The following TTLL5 variants were observed in gnomAD, a reference collection of about 807,000 sequenced individuals.
TTLL5 encodes tubulin polyglutamylase TTLL5.
Under a neutral mutation model 168.4 loss-of-function variants are expected in TTLL5, and 132 were observed. The observed-to-expected ratio is 0.78, with a 90% CI of 0.68 to 0.91. The LOEUF (loss-of-function observed/expected upper bound fraction) is 0.91. Ranked by LOEUF, TTLL5 falls within the 40% of genes least tolerant of loss-of-function variation. The pLI, the probability that TTLL5 is intolerant of heterozygous loss-of-function variation, is 0.00. For missense variants in TTLL5, 1,545 were observed against 1,581.5 expected (o/e 0.98, Z 0.39); for synonymous variants, 546 against 558.6 (o/e 0.98, Z 0.32).
chr14:75,876,532 G>T (rs1015302350), intron 29 of TTLL5, among the ~76,000 whole-genome samples: 1 of 152,186 alleles, frequency 6.6e-6, no homozygotes, highest in African/African-American at 2.4e-5. Flanking sequence ...ATGTTGGAAG[G>T]CTTCCGACAC....
intron 5 of TTLL5, chr14:75,689,455 C>G (rs1885294050): frequency 6.6e-6 from 1 of 152,210 alleles, no homozygotes; most frequent in Admixed American, 6.5e-5. Context: ...ACTGAACAAC[C>G]AAGCAGTCCC....
chr14:75,943,470 G>A (rs1357967466), intron 31 of TTLL5, among the ~76,000 whole-genome samples: 3 of 151,684 alleles, frequency 2.0e-5, no homozygotes, highest in Non-Finnish European at 4.4e-5. Context: ...AATCTCCCCT[G>A]GTAATTTATA....
At chr14:75,788,812 C>G (rs1012105463) in intron 26 of TTLL5, among the ~76,000 whole-genome samples, 2 of 152,000 alleles carry the variant, frequency 1.3e-5, no homozygotes, top group African/African-American at 2.4e-5. Context: ...AGGAAAATTA[C>G]AGACTGGCTT....
chr14:75,901,723 C>T (rs2032930706), intron 30 of TTLL5, among the ~76,000 whole-genome samples: 2 of 152,182 alleles, frequency 1.3e-5, no homozygotes, highest in South Asian at 4.1e-4. Context: ...AGTTGAAAAC[C>T]ACTCTTCCAC....
At chr14:75,842,960 C>A (rs1195361677) in intron 28 of TTLL5, among the ~76,000 whole-genome samples, 1 of 152,024 alleles carries the variant, frequency 6.6e-6, no homozygotes, top group South Asian at 2.1e-4. Flanking sequence ...TTTTTGCCTC[C>A]ATAGCAAAAA....
In TTLL5 at chr14:75,746,201, C is replaced by T. The variant is rs971259800; in HGVS notation, c.1487+620C>T. Among the ~76,000 whole-genome samples, 17 of 152,198 alleles carry T rather than the reference C, an allele frequency of 1.1e-4. No individual in the cohort carries two copies. In the East Asian group the frequency reaches 2.3e-3, roughly 21 times the overall value. On this transcript the variant is annotated intron_variant, in intron 17 of 31. Coordinates refer to ENST00000298832, the MANE Select transcript of TTLL5 (RefSeq NM_015072.5). ...TTTGTATCTGGACTCTTTTGTTCAGCGTAGTGTTTTTCATATTCATATGTG... is the reference window on the plus strand; with the variant it reads ...TTTGTATCTGGACTCTTTTGTTCAGTGTAGTGTTTTTCATATTCATATGTG...
chr14:75,718,173 C>T (rs1166441308), intron 10 of TTLL5, among the ~76,000 whole-genome samples: 6 of 152,234 alleles, frequency 3.9e-5, no homozygotes, highest in African/African-American at 7.2e-5. Context: ...CCTTTCTCTA[C>T]CAAAATGTGC....
chr14:75,755,277 AT>A (rs55744781), intron 18 of TTLL5, among the ~76,000 whole-genome samples: 102,356 of 147,892 alleles, frequency 0.69, 35,917 homozygotes, highest in Admixed American at 0.76. Context: ...AAAAATAATA[AT>A]AATAATAATA....
intron 9 of TTLL5, among the ~76,000 whole-genome samples, chr14:75,715,859 A>G (rs1055907543): frequency 1.3e-5 from 2 of 152,056 alleles, no homozygotes; most frequent in East Asian, 1.9e-4. Context: ...TATAGGAATG[A>G]CAAATGTGTT....
At chr14:75,807,684 G>A (rs983497087) in intron 27 of TTLL5, among the ~76,000 whole-genome samples, 4 of 152,192 alleles carry the variant, frequency 2.6e-5, no homozygotes, top group Admixed American at 2.6e-4. Flanking sequence ...CTCAAACTCA[G>A]CTCTGTCTGA....
intron 31 of TTLL5, among the ~76,000 whole-genome samples, chr14:75,903,442 G>T (rs930295115): frequency 6.6e-6 from 1 of 152,090 alleles, no homozygotes; most frequent in East Asian, 1.9e-4. Flanking sequence ...GCAGGGAGTG[G>T]AAGGGGAAAA....
chr14:75,882,121 A>T (rs947326157), intron 29 of TTLL5, among the ~76,000 whole-genome samples: 2 of 152,188 alleles, frequency 1.3e-5, no homozygotes, highest in African/African-American at 2.4e-5. Flanking sequence ...ATTCTAAACT[A>T]GCCCTCAAGA....
At chr14:75,749,266 T>C (rs1889800779) in intron 17 of TTLL5, among the ~76,000 whole-genome samples, 1 of 152,156 alleles carries the variant, frequency 6.6e-6, no homozygotes, top group Non-Finnish European at 1.5e-5. Flanking sequence ...GGACCTTACT[T>C]TGAGTATCTT....
intron 7 of TTLL5, among the ~76,000 whole-genome samples, chr14:75,703,989 C>G (rs368684936): frequency 6.6e-6 from 1 of 152,250 alleles, no homozygotes; most frequent in African/African-American, 2.4e-5. Flanking sequence ...GTAATTAGAA[C>G]CACATATATT....
At chr14:75,768,932 T>G (rs970657600) in intron 20 of TTLL5, among the ~76,000 whole-genome samples, 1 of 152,132 alleles carries the variant, frequency 6.6e-6, no homozygotes, top group Non-Finnish European at 1.5e-5. Context: ...GGCCGTGTGG[T>G]CATAGACAAG....
rs1566827096 is a variant in TTLL5 at position 75,720,661 on chromosome 14, AC to A, written c.1001del (p.Thr334MetfsTer23). On this transcript the variant is annotated frameshift_variant, in exon 12 of 32. Coordinates refer to ENST00000298832, the MANE Select transcript of TTLL5 (RefSeq NM_015072.5). LOFTEE classifies it high-confidence loss of function. ...AATCTCTGCTGAACTAGCTATTGCT[AC>A]TGCCTGTAAAACCTTTGTTCCTCAT... is the stretch of plus-strand genomic sequence containing the variant. ...TIISAELAIA[T>X]ACKTFVPHRS... 1 of 1,613,756 alleles carries A rather than the reference AC, an allele frequency of 6.2e-7. No homozygotes were observed. The highest frequency in any genetic ancestry group is 1.3e-5 in the African/African-American group (1 of 75,022).
chr14:75,704,622 T>C (rs1886521124), intron 7 of TTLL5, among the ~76,000 whole-genome samples: 1 of 152,190 alleles, frequency 6.6e-6, no homozygotes, highest in African/African-American at 2.4e-5. Context: ...GAGCTTTGAA[T>C]TGGAATAATT....
In TTLL5 at chr14:75,681,554, A is replaced by G. The variant is rs1884613835; in HGVS notation, c.191A>G (p.His64Arg). The change falls in exon 4 of 32, where the codon CAT becomes CGT. Residue 64 changes from histidine (H) to arginine (R), a missense_variant. Transcript: ENST00000298832. The stretch of plus-strand genomic sequence containing the variant: ...TTCTGTTTTTCTTTAGAACGTTATC[A>G]TTTGTCTTATAAGATTGTACGAACG... ...NNIRVIGERY[H>R]LSYKIVRTDS... 1.2e-6 allele frequency: 2 copies of G among 1,613,040 alleles called. No individual in the cohort carries two copies. Among genetic ancestry groups the G allele is most frequent in the Non-Finnish European group, 8.5e-7 (1 of 1,179,796 alleles).
intron 21 of TTLL5, among the ~76,000 whole-genome samples, chr14:75,774,881 G>C (rs1196018324): frequency 6.6e-6 from 1 of 151,950 alleles, no homozygotes; most frequent in Non-Finnish European, 1.5e-5. Flanking sequence ...TAGAAATGCA[G>C]TTTTACTGTG....
Sources: allele counts gnomAD v4.1 joint callset (sites outside exome capture counted in the v4.1 genomes callset), GRCh38; gene constraint gnomAD v4.1.1; transcripts MANE v1.5; gene names NCBI Gene and HGNC (gene_info 2026-07-23, HGNC 2026-07-21).